DLG2: variants seen among roughly 807,000 people sequenced by gnomAD.
DLG2 encodes the protein disks large homolog 2.
Under a neutral mutation model 132.5 loss-of-function variants are expected in DLG2, and 45 were observed. The observed-to-expected ratio is 0.34, with a 90% confidence interval of 0.27 to 0.44. DLG2 has a LOEUF of 0.44. Ranked by LOEUF, DLG2 falls within the 20% of genes least tolerant of loss-of-function variation. DLG2 has a pLI of 1.00. For missense variants in DLG2, 1,045 were observed against 1,196.9 expected, an observed-to-expected ratio of 0.87 and a Z score of 1.87; for synonymous variants, 424 against 419.6, an observed-to-expected ratio of 1.01 and a Z score of -0.13.
chr11:83,833,969 A>T (rs1444213747), intron 16 of DLG2, among the ~76,000 whole-genome samples, 199 bp from the exon 17 acceptor site: 2 of 152,262 alleles, frequency 1.3e-5, no homozygotes, highest in Admixed American at 1.3e-4. Context: ...AACTACCAAA[A>T]TACCATGCAA....
At chr11:83,775,714 C>G (rs928378188) in intron 18 of DLG2, among the ~76,000 whole-genome samples, 4 of 145,576 alleles carry the variant, frequency 2.7e-5, no homozygotes, top group Non-Finnish European at 6.0e-5. Flanking sequence ...AGTTCATTGT[C>G]ATTATTCTTT....
chr11:85,309,920 G>A (rs1272818747), intron 3 of DLG2, among the ~76,000 whole-genome samples: 3 of 152,144 alleles, frequency 2.0e-5, no homozygotes, highest in African/African-American at 7.2e-5. Context: ...TGAGGGTCAG[G>A]ATTTTGCTTT....
At chr11:84,751,577 C>A (rs1444975819) in intron 6 of DLG2, among the ~76,000 whole-genome samples, 2 of 152,098 alleles carry the variant, frequency 1.3e-5, no homozygotes, top group Non-Finnish European at 2.9e-5. Flanking sequence ...TGGGCATCCT[C>A]AGATCACATG....
At chr11:85,265,493 C>G (rs1340167319) in intron 4 of DLG2, among the ~76,000 whole-genome samples, 1 of 152,218 alleles carries the variant, frequency 6.6e-6, no homozygotes, top group Admixed American at 6.5e-5. Flanking sequence ...TGGCAGCACT[C>G]TGGCCCCCAC....
intron 10 of DLG2, among the ~76,000 whole-genome samples, chr11:84,063,939 A>G (rs11233894): frequency 0.81 from 117,801 of 145,200 alleles, 48,712 homozygotes; most frequent in Middle Eastern, 0.92. Context: ...CAGGAAGGGG[A>G]ACATCATACA....
chr11:83,519,751 A>T (rs1210958201), intron 21 of DLG2, among the ~76,000 whole-genome samples: 2 of 152,244 alleles, frequency 1.3e-5, no homozygotes, highest in Non-Finnish European at 2.9e-5. Context: ...AAGGGCATAA[A>T]CACAGAAGTT....
intron 4 of DLG2, among the ~76,000 whole-genome samples, chr11:85,186,976 A>G (rs891713876): frequency 6.6e-6 from 1 of 152,178 alleles, no homozygotes; most frequent in Non-Finnish European, 1.5e-5. Context: ...TATCCCCCTT[A>G]AAGAATATTT....
intron 6 of DLG2, among the ~76,000 whole-genome samples, chr11:84,788,559 T>A (rs1446416641): frequency 2.6e-5 from 4 of 152,182 alleles, no homozygotes; most frequent in African/African-American, 9.7e-5. Context: ...TATAATGTAG[T>A]TATAATACAT....
At chr11:84,068,371 A>C (rs115033966) in intron 10 of DLG2, among the ~76,000 whole-genome samples, 2,311 of 152,330 alleles carry the variant, frequency 0.015, 59 homozygotes, top group African/African-American at 0.053. Flanking sequence ...ATACAGGCAG[A>C]CTTTGTGACC....
At chr11:84,879,059 G>C (rs1466324216) in intron 6 of DLG2, among the ~76,000 whole-genome samples, 2 of 151,200 alleles carry the variant, frequency 1.3e-5, no homozygotes. Flanking sequence ...ATGAGAATGA[G>C]TCCCCCACTA....
intron 16 of DLG2, among the ~76,000 whole-genome samples, chr11:83,839,406 A>C (rs1300548137): frequency 1.3e-5 from 2 of 152,190 alleles, no homozygotes; most frequent in African/African-American, 2.4e-5. Flanking sequence ...TTCTTATCCT[A>C]ATAACCTATT....
chr11:85,406,084 C>A (rs1020038599), intron 3 of DLG2, among the ~76,000 whole-genome samples: 1 of 151,880 alleles, frequency 6.6e-6, no homozygotes, highest in African/African-American at 2.4e-5. Flanking sequence ...AATTTCCACA[C>A]AATTTATTCT....
chr11:84,356,260 C>T (rs1256350371), intron 7 of DLG2, among the ~76,000 whole-genome samples: 2 of 152,104 alleles, frequency 1.3e-5, no homozygotes, highest in African/African-American at 4.8e-5. Flanking sequence ...CACTGAACAA[C>T]ATGCTTTGAT....
chr11:85,161,149 G>A (rs2077999020), intron 4 of DLG2, among the ~76,000 whole-genome samples: 1 of 152,226 alleles, frequency 6.6e-6, no homozygotes, highest in Non-Finnish European at 1.5e-5. Context: ...TGTATCGCAT[G>A]GGATTGCTCT....
At chr11:85,198,229 A>G (rs775532968) in intron 4 of DLG2, among the ~76,000 whole-genome samples, 1 of 152,208 alleles carries the variant, frequency 6.6e-6, no homozygotes, top group African/African-American at 2.4e-5. Context: ...TTCCAATTCT[A>G]CTACTAACTA....
At chr11:85,479,848 C>A (rs1347251484) in intron 3 of DLG2, among the ~76,000 whole-genome samples, 1 of 152,164 alleles carries the variant, frequency 6.6e-6, no homozygotes, top group Non-Finnish European at 1.5e-5. Flanking sequence ...TGGCTGTCTT[C>A]TCCCAATGTC....
intron 17 of DLG2, among the ~76,000 whole-genome samples, chr11:83,809,080 G>A (rs2046629104): frequency 6.6e-6 from 1 of 152,010 alleles, no homozygotes; most frequent in Admixed American, 6.6e-5. Flanking sequence ...TTCTCTGGTT[G>A]ATTTATCGTG....
At chr11:85,358,999 T>A (rs2083945203) in intron 3 of DLG2, among the ~76,000 whole-genome samples, 1 of 152,200 alleles carries the variant, frequency 6.6e-6, no homozygotes, top group Non-Finnish European at 1.5e-5. Flanking sequence ...TGCCATTTGT[T>A]AATATAAGAA....
chr11:84,218,398 G>GAGGAAGGGAGGAAGGA (rs1555430229), intron 8 of DLG2, among the ~76,000 whole-genome samples: 1 of 124,600 alleles, frequency 8.0e-6, no homozygotes, highest in Non-Finnish European at 1.7e-5. Context: ...GGGAGGGAGG[G>GAGGAAGGGAGGAAGGA]AGGAAGGAAG....
Sources: allele counts gnomAD v4.1 joint callset (sites outside exome capture counted in the v4.1 genomes callset), GRCh38; gene constraint gnomAD v4.1.1; transcripts MANE v1.5; gene names NCBI Gene and HGNC (gene_info 2026-07-23, HGNC 2026-07-21).